ITPRID1: variants seen among roughly 807,000 people sequenced by gnomAD.
The protein encoded by ITPRID1 is ITPR interacting domain containing 1.
In ITPRID1, 96 loss-of-function variants were observed where a neutral mutation model predicts 95.4. That is an observed-to-expected ratio of 1.01 (90% CI 0.85 to 1.19). ITPRID1 has a LOEUF of 1.19. Ranked by LOEUF, ITPRID1 falls within the 50% of genes most tolerant of loss-of-function variation. The pLI is 0.00. For synonymous variants in ITPRID1, 510 were observed against 453.6 expected, an observed-to-expected ratio of 1.12 and a Z score of -1.58; for missense variants, 1,339 against 1,252.9, an observed-to-expected ratio of 1.07 and a Z score of -1.04.
intron 10 of ITPRID1, among the ~76,000 whole-genome samples, chr7:31,638,435 A>G (rs1347494146): frequency 6.6e-6 from 1 of 152,196 alleles, no homozygotes; most frequent in African/African-American, 2.4e-5. Flanking sequence ...TCTACAAACT[A>G]TCCGGTTTTA....
At position 31,553,680 on chromosome 7, in the gene ITPRID1, T is replaced by A. The variant is rs1371941654; in HGVS notation, c.163+493T>A. 2.6e-5 allele frequency among the ~76,000 whole-genome samples: 4 copies of A among 152,314 alleles called. No homozygotes were observed. The East Asian group carries it at 7.7e-4, about 29-fold the overall frequency. Reference sequence around the variant, plus strand: ...TGCCCATTGCCCAATTCCTTCTAACTTCACAGCAGTTCAACTGAAGAACAA... The same window carrying A: ...TGCCCATTGCCCAATTCCTTCTAACATCACAGCAGTTCAACTGAAGAACAA... On this transcript the variant is annotated intron_variant, in intron 3 of 14. Transcript: ENST00000615280.
intron 1 of ITPRID1, among the ~76,000 whole-genome samples, chr7:31,523,557 G>A (rs1004708276): frequency 4.6e-5 from 7 of 152,158 alleles, no homozygotes; most frequent in Admixed American, 4.6e-4. Flanking sequence ...TGGAGGTGGG[G>A]CCTGGTGGGA....
At chr7:31,606,979 G>A (rs963819225) in intron 10 of ITPRID1, among the ~76,000 whole-genome samples, 4 of 151,972 alleles carry the variant, frequency 2.6e-5, no homozygotes, top group African/African-American at 9.7e-5. Flanking sequence ...TGGATAAGAT[G>A]TTTTCCAAGA....
intron 10 of ITPRID1, among the ~76,000 whole-genome samples, chr7:31,593,011 A>C (rs1369961149): frequency 6.6e-6 from 1 of 152,226 alleles, no homozygotes; most frequent in Non-Finnish European, 1.5e-5. Flanking sequence ...TTCATTTAAG[A>C]ATTAACAATC....
At chr7:31,585,745 A>G (rs1785569178) in intron 10 of ITPRID1, among the ~76,000 whole-genome samples, 1 of 152,186 alleles carries the variant, frequency 6.6e-6, no homozygotes, top group Non-Finnish European at 1.5e-5. Context: ...AAACCAAGCA[A>G]AATTGTAAGA....
intron 10 of ITPRID1, among the ~76,000 whole-genome samples, chr7:31,598,564 C>T (rs920841578): frequency 2.6e-5 from 4 of 151,704 alleles, no homozygotes; most frequent in East Asian, 1.9e-4. Context: ...CTACCACGCC[C>T]GGCTACTTTT....
intron 10 of ITPRID1, among the ~76,000 whole-genome samples, chr7:31,630,056 G>A (rs1788850183): frequency 6.6e-6 from 1 of 151,956 alleles, no homozygotes; most frequent in South Asian, 2.1e-4. Flanking sequence ...AATGACAGAA[G>A]AAAATGAAAT....
chr7:31,616,817 A>G (rs995657821), intron 10 of ITPRID1, among the ~76,000 whole-genome samples: 27 of 152,176 alleles, frequency 1.8e-4, no homozygotes, highest in African/African-American at 6.3e-4. Context: ...TAAAAACATT[A>G]GATTGTGATT....
intron 10 of ITPRID1, among the ~76,000 whole-genome samples, chr7:31,618,334 T>A (rs1403755965): frequency 2.1e-5 from 3 of 143,134 alleles, no homozygotes; most frequent in African/African-American, 5.2e-5. Flanking sequence ...GGGGGCAAAT[T>A]CACATTGTTC....
chr7:31,647,595 A>G (rs1790585004), intron 12 of ITPRID1, among the ~76,000 whole-genome samples: 1 of 150,636 alleles, frequency 6.6e-6, no homozygotes, highest in African/African-American at 2.4e-5. Flanking sequence ...AATCACTTGA[A>G]CCTGGGAGGC....
chr7:31,588,516 A>G (rs1178597492), intron 10 of ITPRID1, among the ~76,000 whole-genome samples: 2 of 151,100 alleles, frequency 1.3e-5, no homozygotes, highest in African/African-American at 4.9e-5. Flanking sequence ...CTGTAATTCC[A>G]GCTACTCAGG....
chr7:31,553,321 T>A (rs1784347366), intron 3 of ITPRID1, 134 bp downstream of exon 3: 1 of 804,526 alleles, frequency 1.2e-6, no homozygotes, highest in Non-Finnish European at 1.9e-6. Context: ...CCTGGCATGA[T>A]GCCGGAAACA....
intron 10 of ITPRID1, among the ~76,000 whole-genome samples, chr7:31,635,236 C>T (rs1020473783): frequency 8.5e-5 from 13 of 152,122 alleles, no homozygotes; most frequent in Non-Finnish European, 1.8e-4. Context: ...ATTTGGAAAT[C>T]CTACATCTAG....
At chr7:31,600,682 G>C (rs1190538206) in intron 10 of ITPRID1, among the ~76,000 whole-genome samples, 2 of 152,184 alleles carry the variant, frequency 1.3e-5, no homozygotes, top group Non-Finnish European at 2.9e-5. Context: ...CTTGAGAAGT[G>C]ACCACAGGTG....
At chr7:31,539,544 AG>A (rs1406827478) in intron 1 of ITPRID1, among the ~76,000 whole-genome samples, 2 of 152,210 alleles carry the variant, frequency 1.3e-5, no homozygotes, top group Non-Finnish European at 2.9e-5. Flanking sequence ...CATACGTTAA[AG>A]GTGTGCTTAG....
At chr7:31,555,920 T>C (rs973704619) in intron 5 of ITPRID1, among the ~76,000 whole-genome samples, 2 of 152,224 alleles carry the variant, frequency 1.3e-5, no homozygotes, top group African/African-American at 4.8e-5. Context: ...AAAAGTTCCA[T>C]GATGCCAAAT....
At chr7:31,641,817 G>A (rs1790043148) in intron 10 of ITPRID1, among the ~76,000 whole-genome samples, 1 of 152,114 alleles carries the variant, frequency 6.6e-6, no homozygotes, top group Admixed American at 6.5e-5. Context: ...ATAAAATGTG[G>A]TCTTTCATTA....
Position 31,528,213 on chromosome 7 carries a change from C to T in ITPRID1, c.-98+14093C>T, listed in dbSNP as rs10263423. ...CCCACAAAAATAAGTTATATGAATACATGTATAACTAATGGATAATCAAAG... is the reference window on the plus strand; with the variant it reads ...CCCACAAAAATAAGTTATATGAATATATGTATAACTAATGGATAATCAAAG... On this transcript the variant is annotated intron_variant, in intron 1 of 14. Coordinates refer to ENST00000615280, the MANE Select transcript of ITPRID1 (RefSeq NM_001257967.3). Among the ~76,000 whole-genome samples, 514 of 152,270 alleles carry T rather than the reference C, an allele frequency of 3.4e-3. 4 individuals carry two copies. The highest frequency in any genetic ancestry group is 0.012 in the African/African-American group (500 of 41,550).
intron 5 of ITPRID1, among the ~76,000 whole-genome samples, chr7:31,563,399 C>T (rs1425508524): frequency 6.6e-6 from 1 of 152,056 alleles, no homozygotes; most frequent in Non-Finnish European, 1.5e-5. Flanking sequence ...GAGGGAATAA[C>T]ACTTGATGTC....
Sources: allele counts gnomAD v4.1 joint callset (sites outside exome capture counted in the v4.1 genomes callset), GRCh38; gene constraint gnomAD v4.1.1; transcripts MANE v1.5; gene names NCBI Gene and HGNC (gene_info 2026-07-23, HGNC 2026-07-21).